FAM107B: variants seen among roughly 807,000 people sequenced by gnomAD.
FAM107B encodes protein FAM107B.
In FAM107B, 21 loss-of-function variants were observed where a neutral mutation model predicts 31.5. That is an observed-to-expected ratio of 0.67 (90% CI 0.47 to 0.96). The LOEUF (loss-of-function observed/expected upper bound fraction) is 0.96, where lower values mean the gene tolerates loss of function less well. Among genes scored for constraint, FAM107B ranks in the 40% least tolerant of loss-of-function variants. FAM107B has a pLI of 0.00. For missense variants in FAM107B, 452 were observed against 377.1 expected, an observed-to-expected ratio of 1.20 and a Z score of -1.64; for synonymous variants, 157 against 141.5, an observed-to-expected ratio of 1.11 and a Z score of -0.78.
At chr10:14,574,520 T>A (rs987784421) in intron 2 of FAM107B, among the ~76,000 whole-genome samples, 1 of 152,180 alleles carries the variant, frequency 6.6e-6, no homozygotes, top group African/African-American at 2.4e-5. Flanking sequence ...AAAGCCCATG[T>A]GGCTGATCAC....
chr10:14,582,665 CCACA>C (rs1851680274), intron 2 of FAM107B, among the ~76,000 whole-genome samples: 1 of 152,104 alleles, frequency 6.6e-6, no homozygotes, highest in Non-Finnish European at 1.5e-5. Flanking sequence ...GCGTGAGCCA[CCACA>C]CCCAGCCTAC....
In FAM107B at chr10:14,756,048, A is replaced by G. The variant is rs182477965; in HGVS notation, c.411+18205T>C. The stretch of plus-strand genomic sequence containing the variant: ...GGCAGGGGCTCTTTTTTTCCTTTTT[A>G]TCTATTATGATTGGCACCTAGAGCA... On this transcript the variant is annotated intron_variant, in intron 1 of 4. Coordinates refer to ENST00000181796, the MANE Select transcript of FAM107B (RefSeq NM_031453.4). Among the ~76,000 whole-genome samples, 672 of 152,068 alleles carry G rather than the reference A, an allele frequency of 4.4e-3. 4 individuals are homozygous for G. The highest frequency in any genetic ancestry group is 0.015 in the African/African-American group (627 of 41,486).
At chr10:14,562,787 T>C (rs942437687) in intron 2 of FAM107B, among the ~76,000 whole-genome samples, 4 of 152,362 alleles carry the variant, frequency 2.6e-5, no homozygotes, top group African/African-American at 9.6e-5. Context: ...CTCACACCAC[T>C]GGCAAACAGC....
At chr10:14,766,082 T>C (rs1293330753) in intron 1 of FAM107B, among the ~76,000 whole-genome samples, 1 of 152,160 alleles carries the variant, frequency 6.6e-6, no homozygotes, top group African/African-American at 2.4e-5. Flanking sequence ...TAAAAATCAA[T>C]ATATTGAATA....
intron 1 of FAM107B, among the ~76,000 whole-genome samples, chr10:14,709,506 T>C (rs1358583884): frequency 1.3e-5 from 2 of 152,168 alleles, no homozygotes; most frequent in Non-Finnish European, 2.9e-5. Flanking sequence ...GTGAGACTTA[T>C]TCACTATCAC....
In FAM107B at chr10:14,521,783, C is replaced by A. The variant is rs998530118; in HGVS notation, c.804+86G>T. 16 of 1,527,470 alleles carry A rather than the reference C, an allele frequency of 1.0e-5. No individual in the cohort carries two copies. The South Asian group carries it at 1.7e-4, about 16-fold the overall frequency. The allele number at this position is 1,527,470 out of a possible 1,614,324, so 94.6% of individuals were successfully genotyped here. On this transcript the variant is annotated intron_variant, in intron 4 of 4. Coordinates refer to ENST00000181796, the MANE Select transcript of FAM107B (RefSeq NM_031453.4). ...CATGGTATAAATGTATACACTGGCACGTCTGGTAAATCCTGCCCGCTCCAA... is the reference window on the plus strand; with the variant it reads ...CATGGTATAAATGTATACACTGGCAAGTCTGGTAAATCCTGCCCGCTCCAA...
intron 1 of FAM107B, among the ~76,000 whole-genome samples, chr10:14,700,295 G>A (rs1855364531): frequency 6.6e-6 from 1 of 152,122 alleles, no homozygotes; most frequent in Non-Finnish European, 1.5e-5. Context: ...CGAACTAAAT[G>A]GGGACAAGCA....
Position 14,774,803 on chromosome 10 carries a change from T to C in FAM107B, c.-140A>G, listed in dbSNP as rs377251335. On this transcript the variant is annotated 5_prime_UTR_variant, in exon 1 of 5. Transcript: ENST00000181796. ...GCTAGTGGTTGCCCCTAAATAGAAG[T>C]TGGGATGGCAAGGCCACCTTCCCTG... 1 of 987,058 alleles carries C rather than the reference T, an allele frequency of 1.0e-6. No homozygotes were observed. The highest frequency in any genetic ancestry group is 2.9e-5 in the Admixed American group (1 of 34,166). The allele number at this position is 987,058 out of a possible 1,614,324, so 61.1% of individuals were successfully genotyped here.
intron 2 of FAM107B, among the ~76,000 whole-genome samples, chr10:14,539,594 C>T (rs1847974434): frequency 6.6e-6 from 1 of 151,654 alleles, no homozygotes; most frequent in African/African-American, 2.4e-5. Context: ...AAAATGAAAA[C>T]AAAAACAAAA....
intron 2 of FAM107B, among the ~76,000 whole-genome samples, chr10:14,633,848 T>C (rs1853428986): frequency 6.6e-6 from 1 of 152,326 alleles, no homozygotes; most frequent in Non-Finnish European, 1.5e-5. Context: ...GCTTCCCATA[T>C]AGCAAGAAAC....
intron 2 of FAM107B, among the ~76,000 whole-genome samples, chr10:14,564,866 T>C (rs1850531538): frequency 6.6e-6 from 1 of 152,238 alleles, no homozygotes; most frequent in East Asian, 1.9e-4. Context: ...ATTGTCCTAC[T>C]CTTCCATATA....
chr10:14,559,573 CT>C (rs113934155), intron 2 of FAM107B, among the ~76,000 whole-genome samples: 192 of 143,708 alleles, frequency 1.3e-3, no homozygotes, highest in South Asian at 1.8e-3. Context: ...TTTCAGAGGA[CT>C]TTTTTTTTTT....
intron 1 of FAM107B, among the ~76,000 whole-genome samples, chr10:14,754,564 G>A (rs1832892022): frequency 6.6e-6 from 1 of 152,154 alleles, no homozygotes; most frequent in Non-Finnish European, 1.5e-5. Flanking sequence ...AGAACTACTG[G>A]CAGCCATGTG....
intron 2 of FAM107B, among the ~76,000 whole-genome samples, chr10:14,576,210 T>C (rs550603014): frequency 1.3e-5 from 2 of 152,320 alleles, no homozygotes; most frequent in Admixed American, 1.3e-4. Context: ...CCTCGTTGTG[T>C]ATATTTCACC....
In FAM107B at chr10:14,703,148, T is replaced by C. The variant is rs530455024; in HGVS notation, c.412-35457A>G. On this transcript the variant is annotated intron_variant, in intron 1 of 4. Transcript: ENST00000181796. ...ACAAAGGTTGGGCCCCAATGGGATA[T>C]GGGATCATCACTGTGGCTCTCCCCA... is the stretch of plus-strand genomic sequence containing the variant. Among the ~76,000 whole-genome samples the C allele has an allele frequency of 2.0e-5, 3 of 152,258 alleles. No individual in the cohort carries two copies. In the East Asian group the frequency reaches 5.8e-4, roughly 29 times the overall value.
At chr10:14,714,022 C>G (rs1053179888) in intron 1 of FAM107B, among the ~76,000 whole-genome samples, 18 of 152,064 alleles carry the variant, frequency 1.2e-4, no homozygotes, top group African/African-American at 3.9e-4. Context: ...ATACCAGGGC[C>G]TACTTGAGAG....
At chr10:14,701,107 T>C (rs112205647) in intron 1 of FAM107B, among the ~76,000 whole-genome samples, 17 of 152,308 alleles carry the variant, frequency 1.1e-4, no homozygotes, top group African/African-American at 2.9e-4. Flanking sequence ...TTTTTTAATG[T>C]CCTAATTTCA....
At chr10:14,529,604 G>A (rs539424255) in intron 3 of FAM107B, 1 of 151,974 alleles carries the variant, frequency 6.6e-6, no homozygotes, top group Non-Finnish European at 1.5e-5. Flanking sequence ...AGTCCTACGA[G>A]ATCTGAAAAT....
intron 2 of FAM107B, among the ~76,000 whole-genome samples, chr10:14,531,523 T>C (rs1275880058): frequency 5.6e-5 from 7 of 125,982 alleles, no homozygotes; most frequent in East Asian, 4.8e-4. Context: ...CAAGACCTCA[T>C]ATCTCTAAAA....
Sources: gnomAD v4.1 joint callset for allele counts (sites outside exome capture counted in the v4.1 genomes callset) on GRCh38, gnomAD v4.1.1 for gene constraint, MANE v1.5 for transcripts, NCBI Gene and HGNC (gene_info 2026-07-23, HGNC 2026-07-21) for gene names.